PPP2R3A: variants seen among roughly 807,000 people sequenced by gnomAD.
PPP2R3A encodes protein phosphatase 2 regulatory subunit B''alpha.
A neutral mutation model predicts 106.9 loss-of-function variants in PPP2R3A; 80 were observed. The observed-to-expected ratio is 0.75, with a 90% confidence interval of 0.62 to 0.90. The LOEUF is 0.90. PPP2R3A is among the 40% of genes least tolerant of loss of function. PPP2R3A has a pLI of 0.00. For missense variants in PPP2R3A, 1,386 were observed against 1,350.4 expected, an observed-to-expected ratio of 1.03 and a Z score of -0.41; for synonymous variants, 483 against 468.3, an observed-to-expected ratio of 1.03 and a Z score of -0.41.
chr3:136,115,014 G>C (rs1444100860), intron 13 of PPP2R3A, among the ~76,000 whole-genome samples: 1 of 152,200 alleles, frequency 6.6e-6, no homozygotes, highest in Non-Finnish European at 1.5e-5. Flanking sequence ...TCATACAGGA[G>C]AGTTCTGGCT....
At chr3:136,055,546 A>G (rs939687389) in intron 5 of PPP2R3A, 47 of 1,345,414 alleles carry the variant, frequency 3.5e-5, no homozygotes, top group African/African-American at 7.2e-5. Context: ...TTCACTGACC[A>G]TGCTGCTCAA....
At chr3:136,003,705 G>A (rs901113894) in intron 2 of PPP2R3A, among the ~76,000 whole-genome samples, 1 of 151,226 alleles carries the variant, frequency 6.6e-6, no homozygotes, top group Non-Finnish European at 1.5e-5. Context: ...TTTAGACTCA[G>A]ACTGGTTCCT....
intron 9 of PPP2R3A, 95 bp from the exon 10 acceptor site, chr3:136,090,483 T>G: frequency 3.0e-6 from 3 of 999,700 alleles, no homozygotes; most frequent in South Asian, 1.6e-5. Flanking sequence ...TTAAAAAATT[T>G]TAACTGACAT....
intron 5 of PPP2R3A, among the ~76,000 whole-genome samples, chr3:136,065,212 C>T (rs909902920): frequency 2.0e-5 from 3 of 152,128 alleles, no homozygotes; most frequent in African/African-American, 7.2e-5. Context: ...GCTAAATCCA[C>T]ATGTTTCCTA....
chr3:136,021,790 A>AT (rs1934475942), intron 2 of PPP2R3A, among the ~76,000 whole-genome samples: 1 of 152,142 alleles, frequency 6.6e-6, no homozygotes, highest in Non-Finnish European at 1.5e-5. Flanking sequence ...TTGCATATGT[A>AT]TTGAATATGT....
At chr3:136,030,301 T>C (rs1252282144) in intron 3 of PPP2R3A, among the ~76,000 whole-genome samples, 1 of 106,638 alleles carries the variant, frequency 9.4e-6, no homozygotes, top group African/African-American at 5.8e-5. Context: ...TGAAAAGATA[T>C]CTTGAGTGTG....
chr3:135,969,440 G>A, intron 1 of PPP2R3A, among the ~76,000 whole-genome samples: 1 of 152,208 alleles, frequency 6.6e-6, no homozygotes, highest in Non-Finnish European at 1.5e-5. Context: ...TGCCCAACCA[G>A]TGAATGGTGG....
chr3:136,114,750 G>GGC (rs1937675408), intron 13 of PPP2R3A, among the ~76,000 whole-genome samples: 2 of 152,254 alleles, frequency 1.3e-5, no homozygotes, highest in South Asian at 4.1e-4. Flanking sequence ...CTCTGGGCAG[G>GGC]GCATCTCTGG....
intron 3 of PPP2R3A, among the ~76,000 whole-genome samples, chr3:136,038,768 G>A (rs1429636115): frequency 1.3e-5 from 2 of 152,188 alleles, no homozygotes; most frequent in African/African-American, 2.4e-5. Flanking sequence ...GAGAGTCTAG[G>A]ATTGGGGAAA....
intron 2 of PPP2R3A, among the ~76,000 whole-genome samples, chr3:136,026,382 C>A (rs1468673156): frequency 1.3e-5 from 2 of 152,092 alleles, no homozygotes; most frequent in Non-Finnish European, 2.9e-5. Context: ...AGCCCCTTCC[C>A]CAAATACTTT....
At chr3:136,122,248 A>C (rs1938024336) in intron 13 of PPP2R3A, among the ~76,000 whole-genome samples, 1 of 152,130 alleles carries the variant, frequency 6.6e-6, no homozygotes, top group Non-Finnish European at 1.5e-5. Context: ...TTGAGCCCAG[A>C]AGTTTAACGT....
In PPP2R3A at chr3:136,055,478, G is replaced by C. The variant is rs1028542419; in HGVS notation, c.2469+6117G>C. On this transcript the variant is annotated intron_variant, in intron 5 of 13. Transcript: ENST00000264977. The stretch of plus-strand genomic sequence containing the variant: ...AAATGTGAAGACACAGCTCTTTCTG[G>C]ATACAGAGACCAGTTTAGTTTGGAG... The C allele has an allele frequency of 4.4e-6, 5 of 1,147,770 alleles. No homozygotes were observed. The Admixed American group carries it at 6.8e-5, about 16-fold the overall frequency. 71.1% of individuals were successfully genotyped at this position (1,147,770 alleles called of 1,614,324 possible).
intron 3 of PPP2R3A, among the ~76,000 whole-genome samples, chr3:136,034,039 CT>C (rs71157353): frequency 0.24 from 31,146 of 131,094 alleles, 3,462 homozygotes; most frequent in Non-Finnish European, 0.31. Context: ...TTTTCTTTTT[CT>C]TTTTTTTTTT....
intron 5 of PPP2R3A, among the ~76,000 whole-genome samples, chr3:136,067,688 A>G (rs577803986): frequency 6.6e-6 from 1 of 152,336 alleles, no homozygotes; most frequent in Non-Finnish European, 1.5e-5. Flanking sequence ...TGAACAATAT[A>G]TGGAATCAAC....
At chr3:135,977,685 A>ATTTTTT (rs1474837710) in intron 1 of PPP2R3A, among the ~76,000 whole-genome samples, 1 of 102,684 alleles carries the variant, frequency 9.7e-6, no homozygotes, top group African/African-American at 3.4e-5. Flanking sequence ...TCTGATCAGC[A>ATTTTTT]TTCTTTTTTT....
chr3:135,980,963 C>G (rs554299829), intron 1 of PPP2R3A, among the ~76,000 whole-genome samples: 2 of 152,012 alleles, frequency 1.3e-5, no homozygotes, highest in South Asian at 4.1e-4. Flanking sequence ...ATCAGAAGCT[C>G]TTAATGGTTT....
intron 2 of PPP2R3A, among the ~76,000 whole-genome samples, chr3:136,025,449 C>A (rs1314210439): frequency 6.6e-6 from 1 of 151,974 alleles, no homozygotes; most frequent in Non-Finnish European, 1.5e-5. Context: ...AATATATGAG[C>A]AGACTCCATT....
chr3:136,105,227 G>A (rs1210323602), intron 12 of PPP2R3A, among the ~76,000 whole-genome samples: 1 of 152,196 alleles, frequency 6.6e-6, no homozygotes, highest in African/African-American at 2.4e-5. Context: ...CTTGGGGAAG[G>A]TACATTTCAG....
At chr3:135,976,792 T>TA (rs1458099961) in intron 1 of PPP2R3A, among the ~76,000 whole-genome samples, 1 of 152,178 alleles carries the variant, frequency 6.6e-6, no homozygotes, top group African/African-American at 2.4e-5. Flanking sequence ...CATAAAATCT[T>TA]ACTTTTTAAT....
Sources: allele counts gnomAD v4.1 joint callset (sites outside exome capture counted in the v4.1 genomes callset), GRCh38; gene constraint gnomAD v4.1.1; transcripts MANE v1.5; gene names NCBI Gene and HGNC (gene_info 2026-07-23, HGNC 2026-07-21).